Variants in ADAMTS17 observed in about 807,000 individuals in gnomAD.
ADAMTS17 encodes the protein A disintegrin and metalloproteinase with thrombospondin motifs 17.
A neutral mutation model predicts 141.5 loss-of-function variants in ADAMTS17; 113 were observed. The ratio of observed to expected loss-of-function variants is 0.80; its 90% CI spans 0.69 to 0.93. The LOEUF (loss-of-function observed/expected upper bound fraction) is 0.93. Ranked by LOEUF, ADAMTS17 falls within the 40% of genes least tolerant of loss-of-function variation. The pLI, the probability that ADAMTS17 is intolerant of heterozygous loss-of-function variation, is 0.00. For missense variants in ADAMTS17, 1,659 were observed against 1,517.9 expected, an observed-to-expected ratio of 1.09 and a Z score of -1.54; for synonymous variants, 768 against 630.6, an observed-to-expected ratio of 1.22 and a Z score of -3.27.
At chr15:100,043,921 C>G (rs1436579118) in intron 18 of ADAMTS17, among the ~76,000 whole-genome samples, 2 of 152,242 alleles carry the variant, frequency 1.3e-5, no homozygotes, top group African/African-American at 4.8e-5. Flanking sequence ...TTGATGTTAT[C>G]TATCGTAGGC....
intron 6 of ADAMTS17, among the ~76,000 whole-genome samples, chr15:100,255,688 G>T (rs2043304240): frequency 6.7e-6 from 1 of 148,684 alleles, no homozygotes. Context: ...TTGTGAACAG[G>T]ACATATTTAA....
chr15:100,057,574 G>A (rs1055871324), intron 15 of ADAMTS17, among the ~76,000 whole-genome samples: 1 of 152,156 alleles, frequency 6.6e-6, no homozygotes, highest in African/African-American at 2.4e-5. Flanking sequence ...AACACCCACT[G>A]TGCCCATGAC....
chr15:100,064,045 C>G (rs1265905663), intron 15 of ADAMTS17, among the ~76,000 whole-genome samples: 2 of 152,152 alleles, frequency 1.3e-5, no homozygotes, highest in Admixed American at 1.3e-4. Context: ...CAGCATGTGA[C>G]CACTGCAGAC....
intron 8 of ADAMTS17, among the ~76,000 whole-genome samples, chr15:100,187,659 T>C (rs901857144): frequency 1.3e-5 from 2 of 152,146 alleles, no homozygotes; most frequent in African/African-American, 4.8e-5. Context: ...ATGATGCTTT[T>C]CATACCTGAC....
intron 7 of ADAMTS17, among the ~76,000 whole-genome samples, chr15:100,233,092 G>A (rs1384649013): frequency 6.6e-6 from 1 of 152,196 alleles, no homozygotes; most frequent in African/African-American, 2.4e-5. Flanking sequence ...ACTTTGGGAG[G>A]CTAAGGATGG....
chr15:100,084,779 G>C (rs1017228039), intron 15 of ADAMTS17, among the ~76,000 whole-genome samples: 1 of 152,178 alleles, frequency 6.6e-6, no homozygotes, highest in African/African-American at 2.4e-5. Context: ...TGTAGCTGAG[G>C]GTCCTCACTG....
At chr15:100,288,541 C>T (rs552691824) in intron 3 of ADAMTS17, among the ~76,000 whole-genome samples, 17 of 152,276 alleles carry the variant, frequency 1.1e-4, no homozygotes, top group South Asian at 6.2e-4. Flanking sequence ...CAAAACTCTC[C>T]GCCCAAAAGC....
chr15:99,983,302 C>T (rs2060518540), intron 20 of ADAMTS17, among the ~76,000 whole-genome samples: 1 of 152,116 alleles, frequency 6.6e-6, no homozygotes, highest in Admixed American at 6.5e-5. Context: ...GTGGTGTCTG[C>T]TGGGGATGCG....
intron 15 of ADAMTS17, among the ~76,000 whole-genome samples, chr15:100,064,082 AG>A (rs1164777448): frequency 6.6e-6 from 1 of 152,118 alleles, no homozygotes; most frequent in East Asian, 1.9e-4. Flanking sequence ...ATCCTGGAGT[AG>A]GTAGGCCTAA....
intron 13 of ADAMTS17, among the ~76,000 whole-genome samples, chr15:100,114,028 G>A (rs1157779787): frequency 6.6e-6 from 1 of 152,198 alleles, no homozygotes; most frequent in Non-Finnish European, 1.5e-5. Flanking sequence ...ATCTCAATGG[G>A]TTTCTGTCTA....
chr15:100,215,754 G>T (rs1447627314), intron 7 of ADAMTS17, among the ~76,000 whole-genome samples: 8 of 152,102 alleles, frequency 5.3e-5, no homozygotes, highest in Admixed American at 3.3e-4. Context: ...AAAGGGAGCT[G>T]CTAGTGTATT....
In ADAMTS17 at chr15:100,116,989, G is replaced by C; in HGVS notation, c.1746C>G (p.Cys582Trp). 1 of 1,612,984 alleles carries C rather than the reference G, an allele frequency of 6.2e-7. No individual in the cohort carries two copies. ...NPPPGPGGTHCPGASVEHAVC... is the reference protein window; with the variant it reads ...NPPPGPGGTHWPGASVEHAVC... ...CCGCATGTTCTACACTGGCACCCGG[G>C]CAGTGTGTGCCTCCAGGCCCAGGGC... Residue 582 changes from cysteine to tryptophan, a missense_variant, in exon 13 of 22, where the codon TGC (cysteine) becomes TGG (tryptophan). Transcript: ENST00000268070.
intron 8 of ADAMTS17, among the ~76,000 whole-genome samples, chr15:100,191,474 T>C (rs1446012612): frequency 6.6e-6 from 1 of 152,126 alleles, no homozygotes; most frequent in Non-Finnish European, 1.5e-5. Flanking sequence ...CCTGGTGGGA[T>C]TTGGGAAGGC....
chr15:100,094,392 G>C (rs983036531), intron 15 of ADAMTS17, among the ~76,000 whole-genome samples: 1 of 152,256 alleles, frequency 6.6e-6, no homozygotes, highest in Non-Finnish European at 1.5e-5. Flanking sequence ...AGAAGGGAAA[G>C]GGGTGAGCAG....
intron 18 of ADAMTS17, among the ~76,000 whole-genome samples, chr15:100,048,637 TCTC>T (rs2031900356): frequency 7.0e-6 from 1 of 142,096 alleles, no homozygotes; most frequent in Non-Finnish European, 1.5e-5. Context: ...TTACTAATGG[TCTC>T]CTACACAATG....
Position 100,117,013 on chromosome 15 carries a change from G to C in ADAMTS17, c.1722C>G (p.Pro574=). 3 of 1,607,648 alleles carry C rather than the reference G, an allele frequency of 1.9e-6. No homozygotes were observed. Among genetic ancestry groups the C allele is most frequent in the Non-Finnish European group, 2.5e-6 (3 of 1,177,270 alleles). Residue 574 remains proline, a splice_region_variant and synonymous_variant, in exon 13 of 22, where the codon CCC becomes CCG. Coordinates refer to ENST00000268070, the MANE Select transcript of ADAMTS17 (RefSeq NM_139057.4). ...RFRQRKCDNP[P]PGPGGTHCPG... ...GGCAGTGTGTGCCTCCAGGCCCAGG[G>C]CTAGAAGGAAGAAGAAGGTCTGTGT... is the stretch of plus-strand genomic sequence containing the variant.
chr15:100,313,757 C>T (rs948166736), intron 3 of ADAMTS17, among the ~76,000 whole-genome samples: 1 of 149,908 alleles, frequency 6.7e-6, no homozygotes, highest in Non-Finnish European at 1.5e-5. Flanking sequence ...GACAAAACCA[C>T]CCCAAACGTC....
chr15:100,113,731 CT>C (rs1313311226), intron 13 of ADAMTS17, among the ~76,000 whole-genome samples: 1 of 152,274 alleles, frequency 6.6e-6, no homozygotes, highest in Admixed American at 6.5e-5. Context: ...AGCTTCCCTC[CT>C]TTTCATTAAG....
At chr15:99,989,178 C>A (rs1417460096) in intron 20 of ADAMTS17, among the ~76,000 whole-genome samples, 1 of 152,184 alleles carries the variant, frequency 6.6e-6, no homozygotes, top group Admixed American at 6.5e-5. Flanking sequence ...CTGCTCTGAG[C>A]CTCTGTTCCC....
Sources: gnomAD v4.1 joint callset for allele counts (sites outside exome capture counted in the v4.1 genomes callset) on GRCh38, gnomAD v4.1.1 for gene constraint, MANE v1.5 for transcripts, NCBI Gene and HGNC (gene_info 2026-07-23, HGNC 2026-07-21) for gene names.